Variants in MCF2 observed in about 807,000 individuals in gnomAD.
MCF2 encodes MCF.2 cell line derived transforming sequence, also known as proto-oncogene DBL.
In MCF2, 44 loss-of-function variants were observed where a neutral mutation model predicts 82.5. The ratio of observed to expected loss-of-function variants is 0.53; its 90% confidence interval spans 0.42 to 0.69. The LOEUF is 0.69. Ranked by LOEUF, MCF2 falls within the 30% of genes least tolerant of loss-of-function variation. The pLI, the probability that MCF2 is intolerant of heterozygous loss-of-function variation, is 0.00. For missense variants in MCF2, 623 were observed against 663.1 expected, an observed-to-expected ratio of 0.94 and a Z score of 0.66; for synonymous variants, 217 against 224.9, an observed-to-expected ratio of 0.96 and a Z score of 0.32.
At chrX:139,681,581 C>T (rs962416775) in intron 1 of MCF2, among the ~76,000 whole-genome samples, 7 of 111,987 alleles carry the variant, frequency 6.3e-5, no homozygotes, top group East Asian at 2.8e-4. Context: ...TCAAAATTTT[C>T]GTAATGAAGT....
intron 1 of MCF2, among the ~76,000 whole-genome samples, chrX:139,690,194 T>C (rs969548404): frequency 9.8e-5 from 10 of 102,349 alleles, no homozygotes; most frequent in Admixed American, 6.6e-4. Context: ...CCTGTCAACA[T>C]GTAGGAGCCT....
At chrX:139,585,910 T>G (rs1455298769) in intron 23 of MCF2, among the ~76,000 whole-genome samples, 1 of 112,158 alleles carries the variant, frequency 8.9e-6, no homozygotes, top group Non-Finnish European at 1.9e-5. Flanking sequence ...GAATAAATAT[T>G]TCGGCTGTTA....
intron 1 of MCF2, among the ~76,000 whole-genome samples, chrX:139,676,338 C>G (rs1445773721): frequency 8.9e-6 from 1 of 111,990 alleles, no homozygotes; most frequent in Non-Finnish European, 1.9e-5. Context: ...ACCCACTGTC[C>G]AACAAGTCCC....
chrX:139,597,632 G>C (rs777560710), intron 17 of MCF2, 47 bp from the exon 22 acceptor site: 3 of 1,036,644 alleles, frequency 2.9e-6, no homozygotes, highest in Non-Finnish European at 2.6e-6. Flanking sequence ...ATTAATATCT[G>C]GTTGAAATGA....
chrX:139,592,918 C>T (rs775489783), intron 19 of MCF2, among the ~76,000 whole-genome samples: 1 of 111,826 alleles, frequency 8.9e-6, no homozygotes, highest in Admixed American at 9.5e-5. Context: ...ATACAAATAC[C>T]TCATGCCTGT....
chrX:139,593,947 C>A (rs1400508280), intron 19 of MCF2, among the ~76,000 whole-genome samples: 3 of 110,568 alleles, frequency 2.7e-5, no homozygotes, highest in Non-Finnish European at 5.7e-5. Flanking sequence ...AAACAGAGAG[C>A]CAAATCATGA....
At chrX:139,646,403 T>C (rs914520306), upstream of MCF2, among the ~76,000 whole-genome samples, 2 of 112,197 alleles carry the variant, frequency 1.8e-5, no homozygotes, top group Non-Finnish European at 3.8e-5. Flanking sequence ...AGTACCACTA[T>C]TGAATCTACT....
chrX:139,663,410 T>A (rs1934411190), intron 1 of MCF2, among the ~76,000 whole-genome samples: 1 of 111,924 alleles, frequency 8.9e-6, no homozygotes, highest in South Asian at 3.7e-4. Flanking sequence ...GTCTGTTAGG[T>A]CCATTCAGTC....
intron 1 of MCF2, among the ~76,000 whole-genome samples, chrX:139,666,828 T>TCAGGGATACTGATAATTCATATGTTC (rs2148546369): frequency 8.9e-6 from 1 of 112,064 alleles, no homozygotes; most frequent in East Asian, 2.8e-4. Context: ...CTCTTTGCCC[T>TCAGGGATACTGATAATTCATATGTTC]CAGGGATACT....
intron 2 of MCF2, among the ~76,000 whole-genome samples, chrX:139,647,998 T>C (rs756759722): frequency 1.6e-3 from 183 of 112,441 alleles, no homozygotes; most frequent in Non-Finnish European, 2.9e-3. Flanking sequence ...AGTTCAGTTG[T>C]AATTTTTATT....
At chrX:139,651,130 T>C (rs995557721) in intron 2 of MCF2, among the ~76,000 whole-genome samples, 1 of 98,855 alleles carries the variant, frequency 1.0e-5, no homozygotes, top group African/African-American at 5.3e-5. Context: ...GGCACAAAAA[T>C]GTAAACGTAC....
chrX:139,601,151 G>A (rs1021076599), intron 16 of MCF2, among the ~76,000 whole-genome samples: 1 of 111,178 alleles, frequency 9.0e-6, no homozygotes, highest in African/African-American at 3.3e-5. Context: ...TAGAGGACCA[G>A]TCCAGGATAT....
intron 2 of MCF2, among the ~76,000 whole-genome samples, chrX:139,651,279 A>C (rs1269478110): frequency 9.0e-6 from 1 of 111,397 alleles, no homozygotes; most frequent in Non-Finnish European, 1.9e-5. Context: ...ATAATGTGTA[A>C]ATGAAATCCT....
At chrX:139,662,672 A>T (rs755177804) in intron 1 of MCF2, among the ~76,000 whole-genome samples, 1 of 110,643 alleles carries the variant, frequency 9.0e-6, no homozygotes, top group African/African-American at 3.3e-5. Context: ...CAAGTACCCA[A>T]GTGCTTGGGT....
At chrX:139,658,597 G>A (rs1218021384) in intron 1 of MCF2, among the ~76,000 whole-genome samples, 1 of 106,886 alleles carries the variant, frequency 9.4e-6, no homozygotes, top group African/African-American at 3.4e-5. Context: ...ATTATGAGTA[G>A]TTACAAATAG....
At chrX:139,611,552 CATCTT>C (rs1283844087) in intron 10 of MCF2, among the ~76,000 whole-genome samples, 1 of 111,807 alleles carries the variant, frequency 8.9e-6, no homozygotes, top group African/African-American at 3.3e-5. Context: ...ATGAGAAACA[CATCTT>C]ATTCTTCAAA....
chrX:139,672,326 C>G lies in MCF2; in HGVS notation c.-44-20538G>C, dbSNP rs186414622. Among the ~76,000 whole-genome samples, 653 of 112,397 alleles carry G rather than the reference C, an allele frequency of 5.8e-3. 2 individuals carry two copies. Among genetic ancestry groups the G allele is most frequent in the Non-Finnish European group, 9.4e-3 (499 of 53,295 alleles). ...TTTATTTCTTTCTCTTGCCTGATTGCCCTGGCCAGAACTTCCAACACTATC... is the reference window on the plus strand; with the variant it reads ...TTTATTTCTTTCTCTTGCCTGATTGGCCTGGCCAGAACTTCCAACACTATC... On this transcript the variant is annotated intron_variant, in intron 1 of 27. Coordinates refer to the MCF2 transcript ENST00000414978.
At chrX:139,617,303 T>C (rs1376408815) in intron 8 of MCF2, among the ~76,000 whole-genome samples, 1 of 111,616 alleles carries the variant, frequency 9.0e-6, no homozygotes, top group African/African-American at 3.2e-5. Context: ...GAATAGTTCA[T>C]TGGTAGATGG....
chrX:139,645,803 C>G, upstream of MCF2: 1 of 431,668 alleles, frequency 2.3e-6, no homozygotes, highest in South Asian at 4.2e-5. Flanking sequence ...TCACAAAGTC[C>G]TATCTTAGAA....
Sources: allele counts gnomAD v4.1 joint callset (sites outside exome capture counted in the v4.1 genomes callset), GRCh38; gene constraint gnomAD v4.1.1; transcripts MANE v1.5; gene names NCBI Gene and HGNC (gene_info 2026-07-23, HGNC 2026-07-21).